ERG: variants seen among roughly 807,000 people sequenced by gnomAD.
ERG encodes the protein ETS transcription factor ERG.
In ERG, 9 loss-of-function variants were observed where a neutral mutation model predicts 55.3. The observed-to-expected ratio is 0.16, with a 90% CI of 0.10 to 0.28. The LOEUF is 0.28. ERG is among the 10% of genes least tolerant of loss of function. ERG has a pLI of 1.00. For synonymous variants in ERG, 223 were observed against 237.3 expected, an observed-to-expected ratio of 0.94 and a Z score of 0.55; for missense variants, 434 against 631.6, an observed-to-expected ratio of 0.69 and a Z score of 3.35.
At chr21:38,391,574 T>G in intron 8 of ERG, 85 bp downstream of exon 8, 2 of 1,129,094 alleles carry the variant, frequency 1.8e-6, no homozygotes, top group Non-Finnish European at 2.6e-6. Flanking sequence ...CATGTTAATT[T>G]CCATTAAAAA....
At chr21:38,487,270 G>C (rs763823428) in intron 1 of ERG, among the ~76,000 whole-genome samples, 1 of 151,786 alleles carries the variant, frequency 6.6e-6, no homozygotes, top group Admixed American at 6.6e-5. Flanking sequence ...AAAAAGAATC[G>C]AGTATTCAAA....
intron 4 of ERG, 86 bp from the exon 5 acceptor site, chr21:38,402,723 A>G (rs2146454215): frequency 2.3e-6 from 2 of 860,822 alleles, no homozygotes; most frequent in Non-Finnish European, 1.7e-6. Context: ...AAAAAAAAAA[A>G]AAAAAAAAGA....
chr21:38,618,972 G>A (rs1185533179), intron 1 of ERG, among the ~76,000 whole-genome samples: 2 of 152,192 alleles, frequency 1.3e-5, no homozygotes, highest in African/African-American at 4.8e-5. Flanking sequence ...CCCTGGATAA[G>A]GACCTGAAAC....
chr21:38,543,364 T>TAAAAA (rs57245755), intron 2 of ERG, among the ~76,000 whole-genome samples: 2,827 of 149,012 alleles, frequency 0.019, 93 homozygotes, highest in African/African-American at 0.065. Flanking sequence ...TGTTTTTTTT[T>TAAAAA]AAAAAAAAAG....
chr21:38,542,652 T>C (rs1298724091), intron 2 of ERG, among the ~76,000 whole-genome samples: 1 of 152,190 alleles, frequency 6.6e-6, no homozygotes, highest in Non-Finnish European at 1.5e-5. Context: ...GTCTAATCTG[T>C]CTTATGCATG....
intron 3 of ERG, among the ~76,000 whole-genome samples, chr21:38,419,051 C>T (rs534079676): frequency 1.3e-5 from 2 of 152,216 alleles, no homozygotes; most frequent in South Asian, 2.1e-4. Flanking sequence ...ACTTGTCAGG[C>T]CCCTCTTATT....
intron 3 of ERG, among the ~76,000 whole-genome samples, chr21:38,410,857 C>A (rs1767143109): frequency 6.6e-6 from 1 of 152,000 alleles, no homozygotes; most frequent in African/African-American, 2.4e-5. Context: ...TGTTATTTTT[C>A]TTAAATAATA....
chr21:38,447,618 T>C (rs559073377), intron 1 of ERG, among the ~76,000 whole-genome samples: 1 of 151,288 alleles, frequency 6.6e-6, no homozygotes, highest in South Asian at 2.1e-4. Context: ...CACATAGATG[T>C]GGGTTTCAAA....
intron 1 of ERG, among the ~76,000 whole-genome samples, chr21:38,611,598 T>A (rs1737925064): frequency 6.6e-6 from 1 of 152,180 alleles, no homozygotes; most frequent in Non-Finnish European, 1.5e-5. Context: ...CACTCCAGTG[T>A]CAGTCTTTCC....
intron 9 of ERG, among the ~76,000 whole-genome samples, chr21:38,390,659 C>A (rs551061141): frequency 1.3e-5 from 2 of 152,160 alleles, no homozygotes; most frequent in African/African-American, 4.8e-5. Context: ...TGAGAAGGAA[C>A]GAAACCTGCC....
intron 1 of ERG, among the ~76,000 whole-genome samples, chr21:38,651,826 G>A (rs2060490416): frequency 6.6e-6 from 1 of 152,136 alleles, no homozygotes; most frequent in African/African-American, 2.4e-5. Flanking sequence ...GCATCCGCCT[G>A]CCTGGTTCTG....
chr21:38,452,864 T>C (rs1170587731), intron 1 of ERG, among the ~76,000 whole-genome samples: 1 of 152,250 alleles, frequency 6.6e-6, no homozygotes, highest in Non-Finnish European at 1.5e-5. Flanking sequence ...GCCTTGCCTT[T>C]ATTCAAATAT....
intron 3 of ERG, among the ~76,000 whole-genome samples, chr21:38,412,190 G>C (rs564799135): frequency 6.6e-6 from 1 of 152,156 alleles, no homozygotes; most frequent in East Asian, 1.9e-4. Flanking sequence ...TATTATCACT[G>C]ATCTATCTGA....
At chr21:38,507,015 C>G (rs1275228119) in intron 2 of ERG, among the ~76,000 whole-genome samples, 1 of 152,050 alleles carries the variant, frequency 6.6e-6, no homozygotes, top group Non-Finnish European at 1.5e-5. Flanking sequence ...TGGGAGGAGG[C>G]CCGGACCCTG....
chr21:38,472,727 A>T (rs541214248), intron 1 of ERG, among the ~76,000 whole-genome samples: 14 of 152,328 alleles, frequency 9.2e-5, no homozygotes, highest in African/African-American at 2.6e-4. Context: ...AAATCACAGG[A>T]GAAGGGGAAG....
chr21:38,425,066 C>A (rs1000815899), intron 2 of ERG, among the ~76,000 whole-genome samples: 4 of 152,130 alleles, frequency 2.6e-5, no homozygotes. Flanking sequence ...GAAATCGCAT[C>A]TGATAGGGAA....
At chr21:38,474,021 A>T (rs965066533) in intron 1 of ERG, 1 of 152,142 alleles carries the variant, frequency 6.6e-6, no homozygotes, top group Non-Finnish European at 1.5e-5. Context: ...TTAGAAGTTT[A>T]CTCACAAGTA....
chr21:38,551,684 G>A (rs377134285), intron 2 of ERG, among the ~76,000 whole-genome samples: 11 of 152,116 alleles, frequency 7.2e-5, no homozygotes, highest in South Asian at 4.2e-4. Context: ...TATTTTTACC[G>A]TGCTGTGGTC....
upstream of ERG, among the ~76,000 whole-genome samples, chr21:38,587,002 G>A (rs1776675796): frequency 2.6e-5 from 4 of 152,090 alleles, no homozygotes; most frequent in Admixed American, 2.6e-4. Flanking sequence ...GAACAAACCT[G>A]GAGAACTTTA....
Sources: gnomAD v4.1 joint callset for allele counts (sites outside exome capture counted in the v4.1 genomes callset) on GRCh38, gnomAD v4.1.1 for gene constraint, MANE v1.5 for transcripts, NCBI Gene and HGNC (gene_info 2026-07-23, HGNC 2026-07-21) for gene names.